KCNQ3: variants seen among roughly 807,000 people sequenced by gnomAD.
KCNQ3 encodes the protein potassium voltage-gated channel subfamily Q member 3.
Under a neutral mutation model 92.5 loss-of-function variants are expected in KCNQ3, and 30 were observed. The ratio of observed to expected loss-of-function variants is 0.32; its 90% confidence interval spans 0.24 to 0.44. KCNQ3 has a LOEUF of 0.44. KCNQ3 is among the 20% of genes least tolerant of loss of function. The pLI is 1.00. For missense variants in KCNQ3, 913 were observed against 1,140.3 expected, an observed-to-expected ratio of 0.80 and a Z score of 2.87; for synonymous variants, 450 against 468.8, an observed-to-expected ratio of 0.96 and a Z score of 0.52.
chr8:132,389,781 G>A (rs1032077289), intron 1 of KCNQ3, among the ~76,000 whole-genome samples: 6 of 152,138 alleles, frequency 3.9e-5, no homozygotes, highest in Non-Finnish European at 8.8e-5. Context: ...CATGAAAGAT[G>A]GTTGAGATGT....
intron 1 of KCNQ3, among the ~76,000 whole-genome samples, chr8:132,247,561 C>T (rs946852913): frequency 2.0e-5 from 3 of 151,942 alleles, no homozygotes; most frequent in Non-Finnish European, 4.4e-5. Context: ...TCGAGGTGGG[C>T]GGATCACCTG....
chr8:132,259,766 TA>T (rs34058327), intron 1 of KCNQ3, among the ~76,000 whole-genome samples: 15 of 152,066 alleles, frequency 9.9e-5, no homozygotes, highest in Non-Finnish European at 1.8e-4. Context: ...AGGAAGTCAC[TA>T]AAAAACTATT....
At chr8:132,184,525 C>A (rs1051945916) in intron 2 of KCNQ3, among the ~76,000 whole-genome samples, 158 bp from the exon 3 acceptor site, 5 of 152,046 alleles carry the variant, frequency 3.3e-5, no homozygotes, top group African/African-American at 1.2e-4. Flanking sequence ...GAAGGGGAAC[C>A]GGGAGAACAG....
intron 1 of KCNQ3, among the ~76,000 whole-genome samples, chr8:132,196,543 T>C (rs1827302403): frequency 6.6e-6 from 1 of 152,190 alleles, no homozygotes; most frequent in African/African-American, 2.4e-5. Context: ...TGCTACAATT[T>C]TCCTCTTGGG....
chr8:132,283,115 G>T (rs891411724), intron 1 of KCNQ3, among the ~76,000 whole-genome samples: 1 of 151,908 alleles, frequency 6.6e-6, no homozygotes, highest in African/African-American at 2.4e-5. Context: ...GTGTGTGTGT[G>T]TGTGTTTGGT....
At chr8:132,371,907 G>A (rs1246592777) in intron 1 of KCNQ3, among the ~76,000 whole-genome samples, 1 of 152,232 alleles carries the variant, frequency 6.6e-6, no homozygotes, top group East Asian at 1.9e-4. Context: ...CTTAGGCTGC[G>A]GCCTGTGATT....
chr8:132,372,673 C>T (rs1399296420), intron 1 of KCNQ3, among the ~76,000 whole-genome samples: 5 of 148,706 alleles, frequency 3.4e-5, no homozygotes, highest in Non-Finnish European at 7.4e-5. Context: ...AGGAGAATCG[C>T]TTGAACCCAG....
At chr8:132,415,515 C>T (rs1334746661) in intron 1 of KCNQ3, among the ~76,000 whole-genome samples, 1 of 152,214 alleles carries the variant, frequency 6.6e-6, no homozygotes, top group Non-Finnish European at 1.5e-5. Flanking sequence ...ACAGCAGTGA[C>T]ATTCAGCCTT....
chr8:132,430,936 T>G (rs750115178), intron 1 of KCNQ3, among the ~76,000 whole-genome samples: 1 of 152,104 alleles, frequency 6.6e-6, no homozygotes, highest in Non-Finnish European at 1.5e-5. Flanking sequence ...AGCGTCCATA[T>G]CCTTCTCTGG....
chr8:132,433,155 GT>G (rs1273969059), intron 1 of KCNQ3, among the ~76,000 whole-genome samples: 24 of 152,168 alleles, frequency 1.6e-4, no homozygotes, highest in Non-Finnish European at 2.5e-4. Context: ...ATACTTTATT[GT>G]GAGTGTCTGG....
intron 1 of KCNQ3, among the ~76,000 whole-genome samples, chr8:132,441,509 G>A (rs1439679934): frequency 4.6e-5 from 7 of 152,094 alleles, no homozygotes; most frequent in East Asian, 1.9e-4. Flanking sequence ...AGCCGAGATC[G>A]CACCACTGCA....
intron 14 of KCNQ3, 112 bp downstream of exon 14, chr8:132,132,068 A>G (rs1824900160): frequency 1.3e-6 from 1 of 773,986 alleles, no homozygotes; most frequent in Non-Finnish European, 2.2e-6. Context: ...AGCCTGGGCA[A>G]CAGAGTGAAC....
At chr8:132,272,421 T>C (rs928398678) in intron 1 of KCNQ3, among the ~76,000 whole-genome samples, 11 of 152,216 alleles carry the variant, frequency 7.2e-5, no homozygotes, top group East Asian at 1.9e-4. Context: ...TCGGAATGCC[T>C]GGGCTTTGCT....
chr8:132,150,723 C>T (rs1825610023), intron 9 of KCNQ3, among the ~76,000 whole-genome samples: 1 of 151,928 alleles, frequency 6.6e-6, no homozygotes, highest in African/African-American at 2.4e-5. Flanking sequence ...CTTCATGGAA[C>T]CCCAGGAATT....
At chr8:132,286,195 AGCCTGCAAT>A (rs1816675724) in intron 1 of KCNQ3, among the ~76,000 whole-genome samples, 1 of 152,192 alleles carries the variant, frequency 6.6e-6, no homozygotes, top group African/African-American at 2.4e-5. Context: ...AGCCACTAGC[AGCCTGCAAT>A]GCCTGCCTAA....
chr8:132,152,050 G>C (rs1337547342), intron 9 of KCNQ3, among the ~76,000 whole-genome samples: 8 of 152,232 alleles, frequency 5.3e-5, no homozygotes, highest in African/African-American at 1.9e-4. Flanking sequence ...TAACTCTAAC[G>C]ACCCCGGACA....
intron 1 of KCNQ3, among the ~76,000 whole-genome samples, chr8:132,437,455 G>T (rs1821426815): frequency 6.6e-6 from 1 of 152,166 alleles, no homozygotes; most frequent in Non-Finnish European, 1.5e-5. Context: ...GGTGAACATG[G>T]AATACTGAAT....
At chr8:132,406,909 G>C (rs1436223915) in intron 1 of KCNQ3, among the ~76,000 whole-genome samples, 1 of 152,186 alleles carries the variant, frequency 6.6e-6, no homozygotes, top group Non-Finnish European at 1.5e-5. Context: ...GTGGTGGAAA[G>C]ATCACTTACT....
Position 132,480,487 on chromosome 8 carries a change from C to T in KCNQ3, c.46G>A (p.Gly16Ser). ...RRAAGAAGGG[G>S]DGGGGGGGAA... ...CCGCCGCCTCCGCCGCCCCCGTCGCCGCCGCCGCCAGCCGCCCCCGCCGCC... is the reference window on the plus strand; with the variant it reads ...CCGCCGCCTCCGCCGCCCCCGTCGCTGCCGCCGCCAGCCGCCCCCGCCGCC... The change falls in exon 1 of 15, where the codon GGC becomes AGC. Residue 16 changes from glycine (G) to serine (S), a missense_variant. Physicochemically the swap from Gly to Ser is moderately conservative, Grantham distance 56. Transcript: ENST00000388996. The T allele has an allele frequency of 8.3e-7, 1 of 1,204,688 alleles. No homozygotes were observed. Among genetic ancestry groups the T allele is most frequent in the Non-Finnish European group, 1.0e-6 (1 of 975,092 alleles). 74.6% of individuals were successfully genotyped at this position (1,204,688 alleles called of 1,614,324 possible).
Sources: gnomAD v4.1 joint callset for allele counts (sites outside exome capture counted in the v4.1 genomes callset) on GRCh38, gnomAD v4.1.1 for gene constraint, MANE v1.5 for transcripts, NCBI Gene and HGNC (gene_info 2026-07-23, HGNC 2026-07-21) for gene names.